Variants in BOC observed in about 807,000 individuals in gnomAD.
BOC encodes brother of CDO.
BOC carries 76 observed loss-of-function variants against 112.0 expected under a neutral mutation model. That is an observed-to-expected ratio of 0.68 (90% CI 0.56 to 0.82). The LOEUF (loss-of-function observed/expected upper bound fraction) is 0.82, where lower values mean the gene tolerates loss of function less well. Ranked by LOEUF, BOC falls within the 40% of genes least tolerant of loss-of-function variation. The pLI, the probability that BOC is intolerant of heterozygous loss-of-function variation, is 0.00. For missense variants in BOC, 1,309 were observed against 1,511.7 expected (o/e 0.87, Z 2.22); for synonymous variants, 580 against 599.8 (o/e 0.97, Z 0.48).
intron 2 of BOC, among the ~76,000 whole-genome samples, chr3:113,247,732 G>A (rs901905800): frequency 6.6e-6 from 1 of 152,174 alleles, no homozygotes; most frequent in South Asian, 2.1e-4. Context: ...AGTTCCTGGA[G>A]TAGTGGCAGG....
chr3:113,236,016 G>T (rs1398446988), intron 2 of BOC, among the ~76,000 whole-genome samples: 3 of 151,594 alleles, frequency 2.0e-5, no homozygotes, highest in African/African-American at 7.3e-5. Flanking sequence ...ATTTCTCAAA[G>T]AACTGAAAAT....
chr3:113,241,428 C>T (rs2107814752), intron 2 of BOC, among the ~76,000 whole-genome samples: 1 of 152,244 alleles, frequency 6.6e-6, no homozygotes, highest in East Asian at 1.9e-4. Flanking sequence ...TCCCCCTCTG[C>T]TCTCCCGGGA....
In BOC at chr3:113,265,500, T is replaced by C. The variant is rs116617704; in HGVS notation, c.377-2799T>C. ...AGCTCACAATCATTCACAGCTCGCT[T>C]TGTGGGGAGCCTCCTGACTTGGCAG... On this transcript the variant is annotated intron_variant, in intron 4 of 19. Coordinates refer to ENST00000682979, the MANE Select transcript of BOC (RefSeq NM_001378074.1). Among the ~76,000 whole-genome samples, 879 of 152,254 alleles carry C rather than the reference T, an allele frequency of 5.8e-3. 5 individuals carry two copies. Among genetic ancestry groups the C allele is most frequent in the African/African-American group, 0.019 (808 of 41,544 alleles).
Position 113,283,613 on chromosome 3 carries a change from G to A in BOC, c.2637G>A (p.Trp879Ter). The A allele has an allele frequency of 6.2e-7, 1 of 1,613,686 alleles. No homozygotes were observed. Among genetic ancestry groups the A allele is most frequent in the Non-Finnish European group, 8.5e-7 (1 of 1,179,914 alleles). Residue 879 changes from tryptophan to a stop codon, truncating the protein, a stop_gained, in exon 16 of 20, where the codon TGG (tryptophan) becomes TGA (stop). Transcript: ENST00000682979. LOFTEE classifies it high-confidence loss of function. Reference sequence around the variant, plus strand: ...TCACCTTCATCCCCTTCTGCTTGTGGAGGGCCTGGTCTAAGCAAAGTGAGT... The same window carrying A: ...TCACCTTCATCCCCTTCTGCTTGTGAAGGGCCTGGTCTAAGCAAAGTGAGT... ...IIVTFIPFCL[W>*]RAWSKQKHTT...
At chr3:113,244,899 TC>T (rs1447135273) in intron 2 of BOC, among the ~76,000 whole-genome samples, 1 of 152,176 alleles carries the variant, frequency 6.6e-6, no homozygotes, top group Non-Finnish European at 1.5e-5. Flanking sequence ...TTAAAGTGGC[TC>T]CAGAAACAAT....
chr3:113,243,534 A>G (rs955154031), intron 2 of BOC, among the ~76,000 whole-genome samples: 3 of 152,224 alleles, frequency 2.0e-5, no homozygotes, highest in South Asian at 4.1e-4. Flanking sequence ...TGTTTGATTT[A>G]TAAGTAGAGA....
chr3:113,244,639 G>C (rs1576394076), intron 2 of BOC, among the ~76,000 whole-genome samples: 1 of 152,214 alleles, frequency 6.6e-6, no homozygotes, highest in African/African-American at 2.4e-5. Context: ...TGAGTGGCTA[G>C]TAGCTATCTA....
At chr3:113,240,171 A>T (rs1250261325) in intron 2 of BOC, among the ~76,000 whole-genome samples, 1 of 152,208 alleles carries the variant, frequency 6.6e-6, no homozygotes, top group Non-Finnish European at 1.5e-5. Flanking sequence ...CCTTGGGTTG[A>T]GCTAGGAAAC....
chr3:113,256,812 T>G (rs1213590870), intron 4 of BOC, among the ~76,000 whole-genome samples: 1 of 151,814 alleles, frequency 6.6e-6, no homozygotes, highest in African/African-American at 2.4e-5. Flanking sequence ...ATATGTATAA[T>G]TATATATTAT....
intron 2 of BOC, among the ~76,000 whole-genome samples, chr3:113,239,206 G>C (rs1576377307): frequency 7.0e-6 from 1 of 142,442 alleles, no homozygotes; most frequent in South Asian, 2.3e-4. Flanking sequence ...ATCTTCACCT[G>C]TTTTTTTTAA....
At chr3:113,214,824 A>C (rs894561140) in intron 1 of BOC, among the ~76,000 whole-genome samples, 1 of 152,268 alleles carries the variant, frequency 6.6e-6, no homozygotes, top group African/African-American at 2.4e-5. Flanking sequence ...ATCAGGCACC[A>C]GGCTGAAAGC....
intron 2 of BOC, among the ~76,000 whole-genome samples, chr3:113,227,092 G>T (rs1559808355): frequency 6.6e-6 from 1 of 152,134 alleles, no homozygotes; most frequent in Non-Finnish European, 1.5e-5. Context: ...GGCTTTGATG[G>T]TCTCTATTAT....
chr3:113,262,081 T>C (rs1442637099), intron 4 of BOC: 2 of 152,332 alleles, frequency 1.3e-5, no homozygotes, highest in East Asian at 3.9e-4. Context: ...TTTCATGTCA[T>C]GTTTCCATGG....
In BOC at chr3:113,274,361, T is replaced by A; in HGVS notation, c.1235-14T>A. 1.3e-6 allele frequency: 2 copies of A among 1,496,592 alleles called. No homozygotes were observed. The highest frequency in any genetic ancestry group is 4.3e-5 in the Admixed American group (2 of 46,846). 92.7% of individuals were successfully genotyped at this position (1,496,592 alleles called of 1,614,324 possible). A position where few individuals can be genotyped will look rare whatever the true frequency, so the allele number is the denominator to read the frequency against. ...GAGACTAACCTTTCCTTCTGCTTCCTGTTGGTCCTCCAGGCATAACCCCAA... is the reference window on the plus strand; with the variant it reads ...GAGACTAACCTTTCCTTCTGCTTCCAGTTGGTCCTCCAGGCATAACCCCAA... On this transcript the variant is annotated splice_polypyrimidine_tract_variant and intron_variant, in intron 8 of 19. Transcript: ENST00000682979. The surrounding 1 kb of genome is among the most constrained non-coding windows in gnomAD (Gnocchi z 4.8).
chr3:113,248,503 T>C (rs1576406623), intron 2 of BOC, among the ~76,000 whole-genome samples: 1 of 152,330 alleles, frequency 6.6e-6, no homozygotes, highest in Non-Finnish European at 1.5e-5. Flanking sequence ...TTGCCACAGG[T>C]GAATGATCCA....
chr3:113,263,493 T>TC (rs1447305446), intron 4 of BOC, among the ~76,000 whole-genome samples: 1 of 152,186 alleles, frequency 6.6e-6, no homozygotes, highest in Non-Finnish European at 1.5e-5. Flanking sequence ...GAATCGAACT[T>TC]CAATTTGCAG....
At chr3:113,280,086 C>T in intron 13 of BOC, 81 bp downstream of exon 13, 1 of 1,391,492 alleles carries the variant, frequency 7.2e-7, no homozygotes, top group South Asian at 1.4e-5. Context: ...GATTAGACTC[C>T]CCCGAACAGG....
chr3:113,216,262 G>T lies in BOC; in HGVS notation c.-94G>T, dbSNP rs562414940. On this transcript the variant is annotated 5_prime_UTR_variant, in exon 2 of 20. Coordinates refer to ENST00000682979, the MANE Select transcript of BOC (RefSeq NM_001378074.1). ...TTATACCGTCTGAGGGTAGCAGCTC[G>T]AAAGTAGAAGAAGTGGGTGAGGTTT... is the stretch of plus-strand genomic sequence containing the variant. The T allele has an allele frequency of 1.1e-4, 50 of 456,124 alleles. 1 individual carries two copies. Among genetic ancestry groups the T allele is most frequent in the South Asian group, 6.7e-4 (43 of 64,538 alleles). 28.3% of individuals were successfully genotyped at this position (456,124 alleles called of 1,614,324 possible).
intron 8 of BOC, among the ~76,000 whole-genome samples, chr3:113,273,852 GGA>G (rs1948396923): frequency 6.6e-6 from 1 of 152,322 alleles, no homozygotes; most frequent in South Asian, 2.1e-4. Flanking sequence ...GTCAGGTAGA[GGA>G]GAGACAGGTG....
Sources: allele counts gnomAD v4.1 joint callset (sites outside exome capture counted in the v4.1 genomes callset), GRCh38; gene constraint gnomAD v4.1.1; non-coding constraint Gnocchi (gnomAD v3.1); transcripts MANE v1.5; gene names NCBI Gene and HGNC (gene_info 2026-07-23, HGNC 2026-07-21).